The following CDK17 variants were observed in gnomAD, a reference collection of about 807,000 sequenced individuals.
CDK17 encodes cyclin dependent kinase 17, also known as cyclin-dependent kinase 17.
Under a neutral mutation model 77.6 loss-of-function variants are expected in CDK17, and 24 were observed. That is an observed-to-expected ratio of 0.31 (90% CI 0.22 to 0.44). The LOEUF is 0.44. Among genes scored for constraint, CDK17 ranks in the 20% least tolerant of loss-of-function variants. The probability of loss-of-function intolerance (pLI) is 1.00; values close to 1 mark genes in which losing one functional copy is unlikely to be tolerated. For synonymous variants in CDK17, 203 were observed against 210.4 expected (o/e 0.96, Z 0.30); for missense variants, 429 against 622.5 (o/e 0.69, Z 3.31).
intron 3 of CDK17, among the ~76,000 whole-genome samples, chr12:96,318,100 G>T (rs545628043): frequency 6.6e-6 from 1 of 151,672 alleles, no homozygotes; most frequent in Admixed American, 6.6e-5. Context: ...AAGGATGGAG[G>T]AAGATCTACC....
intron 5 of CDK17, among the ~76,000 whole-genome samples, chr12:96,310,095 AATGG>A (rs1312270832): frequency 9.2e-5 from 14 of 152,298 alleles, no homozygotes; most frequent in African/African-American, 2.6e-4. Flanking sequence ...TCGATAGGAG[AATGG>A]ATGAAGTACA....
chr12:96,370,084 G>C (rs555467139), intron 1 of CDK17, among the ~76,000 whole-genome samples: 14 of 152,332 alleles, frequency 9.2e-5, no homozygotes, highest in Middle Eastern at 6.8e-3. Flanking sequence ...AAAAGTCACT[G>C]CAGAGTAACA....
At chr12:96,352,784 G>A (rs1953330706) in intron 1 of CDK17, among the ~76,000 whole-genome samples, 1 of 152,182 alleles carries the variant, frequency 6.6e-6, no homozygotes, top group Non-Finnish European at 1.5e-5. Context: ...CAAGAGCAAA[G>A]ATGTAATATG....
Position 96,282,524 on chromosome 12 carries a change from G to C in CDK17, c.1441C>G (p.His481Asp). The C allele has an allele frequency of 1.2e-6, 2 of 1,604,218 alleles. No homozygotes were observed. Among genetic ancestry groups the C allele is most frequent in the Non-Finnish European group, 1.7e-6 (2 of 1,171,008 alleles). Residue 481 changes from histidine to aspartate, a missense_variant, in exon 15 of 17, where the codon CAT becomes GAT. By Grantham distance (81) the His-to-Asp change is moderately conservative. Transcript: ENST00000261211. ...TTTCTCTTACTTTCTGGTAAAGCAT[G>C]TATTCTTGGTCCCAGACTTCGAAAG... Reference protein sequence around the residue: ...VYFRSLGPRIHALPESVSIFS... With the variant: ...VYFRSLGPRIDALPESVSIFS...
intron 1 of CDK17, among the ~76,000 whole-genome samples, chr12:96,346,389 T>C (rs1223613509): frequency 2.1e-5 from 3 of 144,104 alleles, no homozygotes; most frequent in Non-Finnish European, 3.0e-5. Context: ...GAGGTGGAGG[T>C]TGCAGTAAGC....
intron 10 of CDK17, 108 bp from the exon 11 acceptor site, chr12:96,289,395 G>A (rs11108454): frequency 0.14 from 174,776 of 1,228,582 alleles, 13,992 homozygotes; most frequent in South Asian, 0.26. Flanking sequence ...TGGTTAATTC[G>A]TAGCTTCTTG....
chr12:96,284,508 TAATG>T (rs1952221851), intron 13 of CDK17: 1 of 144,772 alleles, frequency 6.9e-6, no homozygotes, highest in South Asian at 2.2e-4. Context: ...GATATAAAAC[TAATG>T]ACATAATAAA....
intron 1 of CDK17, among the ~76,000 whole-genome samples, chr12:96,371,792 TACATG>T (rs1487122891): frequency 2.6e-4 from 40 of 152,158 alleles, no homozygotes; most frequent in African/African-American, 9.7e-4. Context: ...ACTGAATTAT[TACATG>T]ACATATTTTT....
chr12:96,323,715 T>G (rs1204662237), intron 3 of CDK17, among the ~76,000 whole-genome samples: 1 of 152,158 alleles, frequency 6.6e-6, no homozygotes, highest in African/African-American at 2.4e-5. Flanking sequence ...TGCATCCATT[T>G]ATTATGGGTT....
At position 96,303,758 on chromosome 12, in the gene CDK17, G is replaced by A. The variant is rs146265428; in HGVS notation, c.544-3398C>T. On this transcript the variant is annotated intron_variant, in intron 5 of 16. Transcript: ENST00000261211. ...ACTTGTAAGCAATACCAAGCCTTATGGGAAACTTTTTGTTTACTTTGGATC... is the reference window on the plus strand; with the variant it reads ...ACTTGTAAGCAATACCAAGCCTTATAGGAAACTTTTTGTTTACTTTGGATC... Among the ~76,000 whole-genome samples, 158 of 152,078 alleles carry A rather than the reference G, an allele frequency of 1.0e-3. 1 individual carries two copies. In the East Asian group the frequency reaches 0.026, roughly 25 times the overall value.
intron 1 of CDK17, among the ~76,000 whole-genome samples, chr12:96,338,746 A>C (rs909693480): frequency 6.0e-5 from 9 of 150,970 alleles, no homozygotes; most frequent in African/African-American, 2.2e-4. Flanking sequence ...AGCGATAATA[A>C]ATGTTATTGT....
rs531782328 is a variant in CDK17 at position 96,397,754 on chromosome 12, GA to G, written c.-30+2231del. 7.6e-4 allele frequency among the ~76,000 whole-genome samples: 116 copies of G among 151,716 alleles called. No individual in the cohort carries two copies. The South Asian group carries it at 0.011, about 14-fold the overall frequency. On this transcript the variant is annotated intron_variant, in intron 1 of 16. Coordinates refer to ENST00000261211, the MANE Select transcript of CDK17 (RefSeq NM_002595.5). ...TAATTCGATACTGATAAATATGCAGGAAAAAAAATCAATGGAGCCTCAATAT... is the reference window on the plus strand; with the variant it reads ...TAATTCGATACTGATAAATATGCAGGAAAAAAATCAATGGAGCCTCAATAT...
chr12:96,318,192 G>A (rs1952760349), intron 3 of CDK17, among the ~76,000 whole-genome samples: 1 of 151,052 alleles, frequency 6.6e-6, no homozygotes, highest in South Asian at 2.1e-4. Context: ...AAGATCAAAA[G>A]AGACAAAGAA....
chr12:96,288,961 AAT>A (rs1476165806), intron 11 of CDK17, among the ~76,000 whole-genome samples: 1 of 152,360 alleles, frequency 6.6e-6, no homozygotes, highest in Admixed American at 6.5e-5. Flanking sequence ...CAGTAATTTG[AAT>A]AAAGTTAACA....
chr12:96,366,455 T>C (rs1458378799), intron 1 of CDK17, among the ~76,000 whole-genome samples: 1 of 152,196 alleles, frequency 6.6e-6, no homozygotes, highest in Non-Finnish European at 1.5e-5. Context: ...CATACATTAC[T>C]ATATCTAGTG....
At position 96,400,303 on chromosome 12, in the gene CDK17, G is replaced by A. The variant is rs1031442706; in HGVS notation, c.-347C>T. The A allele has an allele frequency of 4.4e-5, 17 of 389,744 alleles. No individual in the cohort carries two copies. Among genetic ancestry groups the A allele is most frequent in the Non-Finnish European group, 7.3e-5 (16 of 220,348 alleles). The allele number at this position is 389,744 out of a possible 1,614,324, so 24.1% of individuals were successfully genotyped here. A position where few individuals can be genotyped will look rare whatever the true frequency, so the allele number is the denominator to read the frequency against. On this transcript the variant is annotated 5_prime_UTR_variant, in exon 1 of 17. Coordinates refer to ENST00000261211, the MANE Select transcript of CDK17 (RefSeq NM_002595.5). ...GGCGCGAGCGCGGCGGGCGCCGACG[G>A]CGGGCTGAGACTGTCTGGCCGGGCG...
chr12:96,353,519 C>T (rs1953343523), intron 1 of CDK17, among the ~76,000 whole-genome samples: 1 of 151,036 alleles, frequency 6.6e-6, no homozygotes, highest in Non-Finnish European at 1.5e-5. Flanking sequence ...AATGCCACTG[C>T]CATTATTTTG....
At chr12:96,306,478 A>G (rs1356072383) in intron 5 of CDK17, among the ~76,000 whole-genome samples, 1 of 151,956 alleles carries the variant, frequency 6.6e-6, no homozygotes, top group Non-Finnish European at 1.5e-5. Context: ...CTTTTAGAAG[A>G]CAAGGCTAAA....
At chr12:96,348,673 T>C (rs934306102) in intron 1 of CDK17, among the ~76,000 whole-genome samples, 16 of 151,738 alleles carry the variant, frequency 1.1e-4, no homozygotes, top group African/African-American at 2.9e-4. Flanking sequence ...AAACGGATTA[T>C]AAAAGAATGC....
Sources: gnomAD v4.1 joint callset for allele counts (sites outside exome capture counted in the v4.1 genomes callset) on GRCh38, gnomAD v4.1.1 for gene constraint, MANE v1.5 for transcripts, NCBI Gene and HGNC (gene_info 2026-07-23, HGNC 2026-07-21) for gene names.